Variants in RTN4 observed in about 807,000 individuals in gnomAD.
RTN4 encodes the protein reticulon-4.
RTN4 carries 32 observed loss-of-function variants against 90.4 expected under a neutral mutation model. That is an observed-to-expected ratio of 0.35 (90% CI 0.27 to 0.48). The LOEUF (loss-of-function observed/expected upper bound fraction) is 0.48, where lower values mean the gene tolerates loss of function less well. Ranked by LOEUF, RTN4 falls within the 20% of genes least tolerant of loss-of-function variation. The probability of loss-of-function intolerance (pLI) is 0.99; values close to 1 mark genes in which losing one functional copy is unlikely to be tolerated. For missense variants in RTN4, 1,706 were observed against 1,430.2 expected, an observed-to-expected ratio of 1.19 and a Z score of -3.11; for synonymous variants, 629 against 552.5, an observed-to-expected ratio of 1.14 and a Z score of -1.94.
chr2:55,018,521 C>T (rs1426910003), intron 3 of RTN4, among the ~76,000 whole-genome samples: 2 of 143,460 alleles, frequency 1.4e-5, no homozygotes, highest in Non-Finnish European at 3.0e-5. Flanking sequence ...ATCCAGAACT[C>T]TTTTATCAAG....
chr2:55,124,961 G>A, the RTN4 span, among the ~76,000 whole-genome samples: 1 of 152,052 alleles, frequency 6.6e-6, no homozygotes, highest in Non-Finnish European at 1.5e-5. Context: ...CAAGCAATGG[G>A]GAAAAGACTC....
At chr2:55,121,535 A>T in the RTN4 span, among the ~76,000 whole-genome samples, 1 of 152,250 alleles carries the variant, frequency 6.6e-6, no homozygotes, top group Non-Finnish European at 1.5e-5. Flanking sequence ...TGTTGAACAG[A>T]AGGCTCTGGG....
intron 3 of RTN4, among the ~76,000 whole-genome samples, chr2:54,988,240 C>T (rs1189121722): frequency 6.6e-6 from 1 of 152,148 alleles, no homozygotes. Flanking sequence ...TCGCTTGAAC[C>T]CGGGAGGCAG....
intron 3 of RTN4, among the ~76,000 whole-genome samples, chr2:55,009,725 T>G (rs193043188): frequency 6.6e-6 from 1 of 152,318 alleles, no homozygotes. Context: ...TTTTTTAAAA[T>G]AGTCACGGAA....
intron 1 of RTN4, among the ~76,000 whole-genome samples, chr2:55,034,679 T>C (rs1682556001): frequency 6.6e-6 from 1 of 152,194 alleles, no homozygotes. Flanking sequence ...GATCTTTATG[T>C]AGGAATAAAG....
intron 1 of RTN4, among the ~76,000 whole-genome samples, chr2:55,031,220 C>CT (rs1337788421): frequency 6.6e-6 from 1 of 152,150 alleles, no homozygotes; most frequent in Non-Finnish European, 1.5e-5. Flanking sequence ...AAGCAACTAT[C>CT]TTGAGACACT....
intron 3 of RTN4, among the ~76,000 whole-genome samples, chr2:54,998,804 A>C (rs1442381935): frequency 2.0e-5 from 3 of 152,220 alleles, no homozygotes; most frequent in African/African-American, 7.2e-5. Flanking sequence ...CTAATTTTGG[A>C]TTCCTCAGTA....
rs781415075 is a variant in RTN4 at position 54,973,138 on chromosome 2, T to TAATTA, written c.*13_*17dup. On this transcript the variant is annotated 3_prime_UTR_variant, in exon 9 of 9. Transcript: ENST00000337526. The stretch of plus-strand genomic sequence containing the variant: ...ATCCCCTTTAAAGATGAACTCCTAC[T>TAATTA]AATTATTTTGGGCGTTTTCATTCAG... 3.1e-6 allele frequency: 5 copies of TAATTA among 1,598,744 alleles called. No homozygotes were observed. The highest frequency in any genetic ancestry group is 4.3e-6 in the Non-Finnish European group (5 of 1,167,380).
At chr2:55,016,307 G>A (rs543222705) in intron 3 of RTN4, among the ~76,000 whole-genome samples, 7 of 152,280 alleles carry the variant, frequency 4.6e-5, no homozygotes, top group Admixed American at 2.6e-4. Context: ...ATGCGGCCAG[G>A]TGCGCTGGTT....
intron 1 of RTN4, among the ~76,000 whole-genome samples, chr2:55,036,419 T>C (rs776964890): frequency 7.9e-5 from 12 of 151,784 alleles, no homozygotes; most frequent in Non-Finnish European, 1.6e-4. Context: ...CTGGCCAACA[T>C]GGTAAGACCC....
chr2:54,973,550 T>A lies in RTN4; in HGVS notation c.3536+13A>T. The stretch of plus-strand genomic sequence containing the variant: ...TTATCCTAGTAAAAACACTGCAGAT[T>A]TTAAATACTTACTTAGCCATAGCAT... On this transcript the variant is annotated intron_variant, in intron 8 of 8. Coordinates refer to ENST00000337526, the MANE Select transcript of RTN4 (RefSeq NM_020532.5). 6.3e-7 allele frequency: 1 copy of A among 1,588,846 alleles called. No homozygotes were observed. Among genetic ancestry groups the A allele is most frequent in the East Asian group, 2.2e-5 (1 of 44,674 alleles).
chr2:55,038,132 AACT>A (rs1682816180), intron 1 of RTN4, among the ~76,000 whole-genome samples: 1 of 152,138 alleles, frequency 6.6e-6, no homozygotes, highest in African/African-American at 2.4e-5. Flanking sequence ...CATAGACAAA[AACT>A]ACCTCAAAAC....
intron 3 of RTN4, among the ~76,000 whole-genome samples, chr2:55,006,586 A>G (rs1375000961): frequency 1.3e-5 from 2 of 152,160 alleles, no homozygotes; most frequent in Admixed American, 6.5e-5. Context: ...AATTATATTG[A>G]GTTTTAATGC....
At chr2:55,040,782 T>C (rs1683018676) in intron 1 of RTN4, among the ~76,000 whole-genome samples, 1 of 151,790 alleles carries the variant, frequency 6.6e-6, no homozygotes, top group African/African-American at 2.4e-5. Flanking sequence ...TACTCAGCCC[T>C]AGGCCTAGTT....
intron 4 of RTN4, among the ~76,000 whole-genome samples, chr2:54,983,281 G>A (rs1204986829): frequency 1.3e-5 from 2 of 151,164 alleles, no homozygotes; most frequent in African/African-American, 4.9e-5. Context: ...AATCCATACC[G>A]AGATGGCTAA....
intron 3 of RTN4, among the ~76,000 whole-genome samples, chr2:54,989,810 A>G (rs186903097): frequency 2.0e-5 from 3 of 152,356 alleles, no homozygotes; most frequent in African/African-American, 7.2e-5. Context: ...GGTCTTGAAG[A>G]ATGAATGCGA....
In RTN4 at chr2:55,028,154, A is replaced by G. The variant is rs760481133; in HGVS notation, c.613+10T>C. On this transcript the variant is annotated intron_variant, in intron 2 of 8. Transcript: ENST00000337526. Reference sequence around the variant, plus strand: ...ACAGAGAGGATAAAAGGCTGGCAGAAAGAACTTGCCTGCAGAGGAGCGTAT... The same window carrying G: ...ACAGAGAGGATAAAAGGCTGGCAGAGAGAACTTGCCTGCAGAGGAGCGTAT... The G allele has an allele frequency of 2.4e-5, 39 of 1,610,972 alleles. No individual in the cohort carries two copies. The East Asian group carries it at 8.0e-4, about 33-fold the overall frequency.
intron 3 of RTN4, among the ~76,000 whole-genome samples, chr2:55,006,177 TGTGA>T (rs1213738219): frequency 6.6e-6 from 1 of 152,186 alleles, no homozygotes; most frequent in Non-Finnish European, 1.5e-5. Flanking sequence ...CTCTATGCGA[TGTGA>T]GTTTTACTCT....
At chr2:55,020,927 T>C (rs74326105) in intron 3 of RTN4, among the ~76,000 whole-genome samples, 1 of 151,944 alleles carries the variant, frequency 6.6e-6, no homozygotes, top group Non-Finnish European at 1.5e-5. Flanking sequence ...CCCTGGGAGG[T>C]TGAGGCTGCA....
Sources: gnomAD v4.1 joint callset for allele counts (sites outside exome capture counted in the v4.1 genomes callset) on GRCh38, gnomAD v4.1.1 for gene constraint, MANE v1.5 for transcripts, NCBI Gene and HGNC (gene_info 2026-07-23, HGNC 2026-07-21) for gene names.